The following CDH3 variants were observed in gnomAD, a reference collection of about 807,000 sequenced individuals.
CDH3 encodes the protein cadherin 3, also known as cadherin-3.
CDH3 carries 54 observed loss-of-function variants against 82.0 expected under a neutral mutation model. The observed-to-expected ratio is 0.66, with a 90% CI of 0.53 to 0.83. CDH3 has a LOEUF of 0.83. Among genes scored for constraint, CDH3 ranks in the 40% least tolerant of loss-of-function variants. The pLI, the probability that CDH3 is intolerant of heterozygous loss-of-function variation, is 0.00. For missense variants in CDH3, 1,054 were observed against 1,084.6 expected (o/e 0.97, Z 0.40); for synonymous variants, 446 against 437.9 (o/e 1.02, Z -0.23).
In CDH3 at chr16:68,679,805, C is replaced by A. The variant is rs773491817; in HGVS notation, c.698C>A (p.Ser233Tyr). The A allele has an allele frequency of 6.2e-7, 1 of 1,608,704 alleles. No homozygotes were observed. Among genetic ancestry groups the A allele is most frequent in the African/African-American group, 1.3e-5 (1 of 74,672 alleles). Residue 233 changes from serine to tyrosine, a missense_variant, in exon 7 of 16, where the codon TCT becomes TAT. Coordinates refer to ENST00000264012, the MANE Select transcript of CDH3 (RefSeq NM_001793.6). ...ACTCATCCCTTCTCTCCAGGTACTT[C>A]TGTGATGCAGGTGACAGCCACGGAT... ...SVLEGVLPGT[S>Y]VMQVTATDED...
intron 2 of CDH3, among the ~76,000 whole-genome samples, chr16:68,665,906 C>A (rs564235963): frequency 6.6e-6 from 1 of 152,000 alleles, no homozygotes; most frequent in Admixed American, 6.6e-5. Flanking sequence ...TTTTTCTAGT[C>A]GGGGGAAAAA....
chr16:68,725,434 C>T (rs925821798), intron 2 of CDH3, among the ~76,000 whole-genome samples: 5 of 151,810 alleles, frequency 3.3e-5, no homozygotes, highest in East Asian at 3.9e-4. Context: ...CCAGGGTTCA[C>T]GCCATTCTCC....
intron 1 of CDH3, among the ~76,000 whole-genome samples, chr16:68,712,360 T>C (rs1160937383): frequency 9.9e-5 from 15 of 152,062 alleles, no homozygotes; most frequent in Admixed American, 2.0e-4. Context: ...CAAGAGCAGC[T>C]GGAGCTGGGA....
intron 2 of CDH3, among the ~76,000 whole-genome samples, chr16:68,653,959 C>A (rs928530465): frequency 4.0e-5 from 6 of 151,054 alleles, no homozygotes; most frequent in Non-Finnish European, 8.9e-5. Context: ...CCTCATGATC[C>A]ACCCACCTCG....
At chr16:68,702,391 G>A (rs895058724), downstream of CDH3, among the ~76,000 whole-genome samples, 2 of 152,124 alleles carry the variant, frequency 1.3e-5, no homozygotes, top group Non-Finnish European at 2.9e-5. Context: ...GCATTCTACG[G>A]TGGGGTCGGG....
chr16:68,679,689 C>G, intron 6 of CDH3, 110 bp from the exon 7 acceptor site: 1 of 593,394 alleles, frequency 1.7e-6, no homozygotes, highest in East Asian at 3.3e-5. Flanking sequence ...AGTGAGACTT[C>G]ATCTCAAAAA....
Position 68,699,009 on chromosome 16 carries a change from G to C in CDH3, c.*609G>C, listed in dbSNP as rs1358051187. On this transcript the variant is annotated 3_prime_UTR_variant, in exon 16 of 16. Transcript: ENST00000264012. ...TGAGGACAATCGTGTATATGTACTA[G>C]AACTTTTTTATTAAAGAAACTTTTC... The C allele has an allele frequency of 2.0e-5, 3 of 152,504 alleles. No individual in the cohort carries two copies. The highest frequency in any genetic ancestry group is 4.4e-5 in the Non-Finnish European group (3 of 68,226). The allele number at this position is 152,504 out of a possible 1,614,324, so 9.4% of individuals were successfully genotyped here.
chr16:68,645,369 T>C lies in CDH3; in HGVS notation c.-11T>C, dbSNP rs370893872. On this transcript the variant is annotated 5_prime_UTR_variant, in exon 1 of 16. Coordinates refer to ENST00000264012, the MANE Select transcript of CDH3 (RefSeq NM_001793.6). The stretch of plus-strand genomic sequence containing the variant: ...CGTCGCGGCAGCTGCTTCACCCCTC[T>C]CTCTGCAGCCATGGGGCTCCCTCGT... 7.1e-5 allele frequency: 115 copies of C among 1,612,756 alleles called. No individual in the cohort carries two copies. The highest frequency in any genetic ancestry group is 9.5e-5 in the Non-Finnish European group (112 of 1,179,546).
At chr16:68,731,718 T>C (rs1366293465), downstream of CDH3, among the ~76,000 whole-genome samples, 1 of 151,562 alleles carries the variant, frequency 6.6e-6, no homozygotes, top group Admixed American at 6.6e-5. Flanking sequence ...ATGCCTGCCT[T>C]CTCAGCTACT....
intron 13 of CDH3, among the ~76,000 whole-genome samples, chr16:68,692,460 A>T (rs990857891): frequency 1.3e-5 from 2 of 152,234 alleles, no homozygotes; most frequent in African/African-American, 4.8e-5. Flanking sequence ...CCATCAGGTC[A>T]TCTGGAGGGG....
chr16:68,676,386 A>G lies in CDH3; in HGVS notation c.162A>G (p.Val54=), dbSNP rs755650735. 4.3e-6 allele frequency: 7 copies of G among 1,611,532 alleles called. No individual in the cohort carries two copies. The highest frequency in any genetic ancestry group is 5.9e-6 in the Non-Finnish European group (7 of 1,177,756). Reference sequence around the variant, plus strand: ...GCTCTCTCTTCCCCTTCCCCACAGTATTCATGGGCTGCCCTGGGCAAGAGC... The same window carrying G: ...GCTCTCTCTTCCCCTTCCCCACAGTGTTCATGGGCTGCCCTGGGCAAGAGC... The part of the protein sequence containing the change: ...EQEPGQALGK[V]FMGCPGQEPA... The change falls in exon 3 of 16, where the codon GTA becomes GTG. Residue 54 remains valine, a splice_region_variant and synonymous_variant. Transcript: ENST00000264012.
rs1358544031 is a variant in CDH3, at chr16:68,663,118, C to T, written c.161-13267C>T. On this transcript the variant is annotated intron_variant, in intron 2 of 15. Coordinates refer to ENST00000264012, the MANE Select transcript of CDH3 (RefSeq NM_001793.6). The stretch of plus-strand genomic sequence containing the variant: ...TGACCTCATGGTGATCCACCTGCCT[C>T]GGCCTCCCAAAGTGCTAGGATTACA... Among the ~76,000 whole-genome samples, 8 of 152,062 alleles carry T rather than the reference C, an allele frequency of 5.3e-5. No individual in the cohort carries two copies. The East Asian group carries it at 5.8e-4, about 11-fold the overall frequency.
chr16:68,672,201 A>AATAAAT (rs1555505633), intron 2 of CDH3, among the ~76,000 whole-genome samples: 1 of 145,138 alleles, frequency 6.9e-6, no homozygotes, highest in African/African-American at 2.6e-5. Flanking sequence ...AAAAAAAAAA[A>AATAAAT]AAATAAATAA....
At chr16:68,725,917 T>G (rs1279224499) in intron 2 of CDH3, among the ~76,000 whole-genome samples, 1 of 151,958 alleles carries the variant, frequency 6.6e-6, no homozygotes, top group Non-Finnish European at 1.5e-5. Context: ...TAGCTGGGCA[T>G]GGTGGGACAT....
downstream of CDH3, among the ~76,000 whole-genome samples, chr16:68,729,052 C>A (rs902267173): frequency 6.6e-6 from 1 of 152,158 alleles, no homozygotes; most frequent in African/African-American, 2.4e-5. Flanking sequence ...CACCTGTAAT[C>A]CCAGCACTTT....
intron 2 of CDH3, among the ~76,000 whole-genome samples, chr16:68,648,031 T>G (rs1369684400): frequency 1.3e-5 from 2 of 152,196 alleles, no homozygotes; most frequent in Admixed American, 6.6e-5. Context: ...CAAAGCCCTT[T>G]TGCAACTCTG....
At chr16:68,701,717 T>C (rs1004505753), downstream of CDH3, among the ~76,000 whole-genome samples, 13 of 151,872 alleles carry the variant, frequency 8.6e-5, no homozygotes, top group African/African-American at 3.1e-4. Flanking sequence ...AGCTATTCTT[T>C]TGTATTTTAG....
downstream of CDH3, among the ~76,000 whole-genome samples, chr16:68,702,613 C>T (rs1961910553): frequency 6.6e-6 from 1 of 152,054 alleles, no homozygotes; most frequent in Admixed American, 6.5e-5. Context: ...ACCTGTAATC[C>T]CAGCTCTTTG....
intron 2 of CDH3, among the ~76,000 whole-genome samples, chr16:68,674,484 G>C (rs1960976582): frequency 6.6e-6 from 1 of 152,100 alleles, no homozygotes; most frequent in African/African-American, 2.4e-5. Flanking sequence ...TGTAATCCCA[G>C]TGCTTTGGGA....
Sources: allele counts gnomAD v4.1 joint callset (sites outside exome capture counted in the v4.1 genomes callset), GRCh38; gene constraint gnomAD v4.1.1; transcripts MANE v1.5; gene names NCBI Gene and HGNC (gene_info 2026-07-23, HGNC 2026-07-21).